Variants in ORC4 observed in about 807,000 individuals in gnomAD.
ORC4 encodes the protein origin recognition complex subunit 4.
In ORC4, 55 loss-of-function variants were observed where a neutral mutation model predicts 63.9. That is an observed-to-expected ratio of 0.86 (90% CI 0.69 to 1.08). ORC4 has a LOEUF of 1.08. Ranked by LOEUF, ORC4 falls within the 50% of genes least tolerant of loss-of-function variation. The pLI, the probability that ORC4 is intolerant of heterozygous loss-of-function variation, is 0.00. For synonymous variants in ORC4, 150 were observed against 168.5 expected (o/e 0.89, Z 0.85); for missense variants, 511 against 504.4 (o/e 1.01, Z -0.13).
At chr2:147,996,642 T>C (rs1691993604) in intron 1 of ORC4, among the ~76,000 whole-genome samples, 1 of 152,130 alleles carries the variant, frequency 6.6e-6, no homozygotes. Flanking sequence ...AGGTGGCAAA[T>C]AAGCATATGA....
chr2:147,972,237 T>G (rs903997247), intron 4 of ORC4, among the ~76,000 whole-genome samples: 1 of 152,112 alleles, frequency 6.6e-6, no homozygotes, highest in Admixed American at 6.6e-5. Context: ...GAGCATGCAC[T>G]GAAAAACTGT....
At chr2:147,943,985 A>G (rs1250559778) in intron 9 of ORC4, among the ~76,000 whole-genome samples, 1 of 152,178 alleles carries the variant, frequency 6.6e-6, no homozygotes, top group Non-Finnish European at 1.5e-5. Flanking sequence ...AAATTATCAC[A>G]TTGGCAGAAA....
chr2:148,000,207 A>T (rs1182813086), intron 1 of ORC4, among the ~76,000 whole-genome samples: 1 of 152,140 alleles, frequency 6.6e-6, no homozygotes, highest in Non-Finnish European at 1.5e-5. Context: ...AAATTGTCAG[A>T]CTGAAAGGAC....
At chr2:147,939,469 T>C (rs1204984532) in intron 10 of ORC4, among the ~76,000 whole-genome samples, 1 of 152,150 alleles carries the variant, frequency 6.6e-6, no homozygotes, top group African/African-American at 2.4e-5. Context: ...CTGCTCTCTC[T>C]AACCCATCCC....
Position 147,931,804 on chromosome 2 carries a change from T to G in ORC4, c.*3706A>C, listed in dbSNP as rs1339281921. The G allele has an allele frequency of 6.6e-6, 1 of 151,902 alleles. No homozygotes were observed. The highest frequency in any genetic ancestry group is 2.4e-5 in the African/African-American group (1 of 41,336). 9.4% of individuals were successfully genotyped at this position (151,902 alleles called of 1,614,324 possible). A position where few individuals can be genotyped will look rare whatever the true frequency, so the allele number is the denominator to read the frequency against. Reference sequence around the variant, plus strand: ...ATAAATTAGGGATTGATGGGGTGTATTTCAAAATAATAAGAGCTATCTATG... The same window carrying G: ...ATAAATTAGGGATTGATGGGGTGTAGTTCAAAATAATAAGAGCTATCTATG... On this transcript the variant is annotated 3_prime_UTR_variant, in exon 14 of 14. Coordinates refer to ENST00000392857, the MANE Select transcript of ORC4 (RefSeq NM_181741.4).
chr2:147,943,595 C>T, intron 9 of ORC4, 73 bp from the exon 10 acceptor site: 1 of 838,704 alleles, frequency 1.2e-6, no homozygotes, highest in Non-Finnish European at 2.0e-6. Flanking sequence ...AATCCTGTGC[C>T]TTACTGGTTG....
chr2:147,974,324 C>T (rs559972833), intron 2 of ORC4, among the ~76,000 whole-genome samples: 1 of 152,144 alleles, frequency 6.6e-6, no homozygotes, highest in South Asian at 2.1e-4. Flanking sequence ...CATCTTATGG[C>T]AGGCCTGTTT....
chr2:147,954,202 G>A (rs931131869), intron 7 of ORC4, among the ~76,000 whole-genome samples: 5 of 151,974 alleles, frequency 3.3e-5, no homozygotes, highest in East Asian at 1.9e-4. Flanking sequence ...TAAGGGAAGA[G>A]AAAAATAAAA....
intron 4 of ORC4, among the ~76,000 whole-genome samples, chr2:147,965,045 A>G (rs1008829944): frequency 5.3e-5 from 8 of 152,188 alleles, no homozygotes; most frequent in Non-Finnish European, 1.0e-4. Context: ...GACCAGACCT[A>G]TAAGAAATGT....
chr2:147,939,445 A>T (rs1688244357), intron 10 of ORC4, among the ~76,000 whole-genome samples, 197 bp from the exon 11 acceptor site: 1 of 152,132 alleles, frequency 6.6e-6, no homozygotes, highest in South Asian at 2.1e-4. Flanking sequence ...TGTAAAGCAT[A>T]AAAAAAGTTC....
intron 1 of ORC4, among the ~76,000 whole-genome samples, chr2:147,995,201 AG>A (rs1326092451): frequency 6.6e-6 from 1 of 151,750 alleles, no homozygotes; most frequent in Non-Finnish European, 1.5e-5. Flanking sequence ...TGCACCAATC[AG>A]CACTCTATAA....
chr2:147,954,629 C>A (rs1271850126), intron 7 of ORC4, among the ~76,000 whole-genome samples: 1 of 151,996 alleles, frequency 6.6e-6, no homozygotes, highest in Admixed American at 6.6e-5. Flanking sequence ...GTACATAAAC[C>A]AGGAAATTTC....
intron 2 of ORC4, among the ~76,000 whole-genome samples, chr2:147,973,954 G>C (rs1380608251): frequency 6.6e-6 from 1 of 152,122 alleles, no homozygotes. Context: ...CATTAAAGTC[G>C]TTCCTTTTTT....
chr2:147,946,396 A>C (rs3768684), intron 9 of ORC4, among the ~76,000 whole-genome samples: 45,761 of 151,896 alleles, frequency 0.3, 8,416 homozygotes, highest in South Asian at 0.47. Context: ...GAATAAGACA[A>C]TCAGTTCAGG....
intron 3 of ORC4, 76 bp from the exon 4 acceptor site, chr2:147,972,905 A>G: frequency 3.2e-6 from 3 of 932,572 alleles, no homozygotes; most frequent in Admixed American, 3.8e-5. Flanking sequence ...TTTAAAAGGC[A>G]TATTTGAATA....
At chr2:148,010,478 G>A (rs1237192) in intron 1 of ORC4, among the ~76,000 whole-genome samples, 4,822 of 151,830 alleles carry the variant, frequency 0.032, 248 homozygotes, top group African/African-American at 0.11. Context: ...AAAAAAAGAA[G>A]ATCCAAATAA....
At chr2:147,967,121 G>A (rs757644472) in intron 4 of ORC4, among the ~76,000 whole-genome samples, 9 of 151,690 alleles carry the variant, frequency 5.9e-5, no homozygotes, top group Non-Finnish European at 8.8e-5. Flanking sequence ...AAAAAAACAC[G>A]TGATAAAATT....
chr2:147,977,168 T>C (rs1690608364), intron 1 of ORC4, among the ~76,000 whole-genome samples: 1 of 152,176 alleles, frequency 6.6e-6, no homozygotes, highest in Non-Finnish European at 1.5e-5. Context: ...GCTAGGTATG[T>C]TGACCAAAAT....
intron 4 of ORC4, among the ~76,000 whole-genome samples, chr2:147,960,932 C>T (rs945819378): frequency 1.3e-5 from 2 of 151,766 alleles, no homozygotes; most frequent in African/African-American, 2.4e-5. Flanking sequence ...TCACTTGAAG[C>T]CATATCAATT....
Sources: gnomAD v4.1 joint callset for allele counts (sites outside exome capture counted in the v4.1 genomes callset) on GRCh38, gnomAD v4.1.1 for gene constraint, MANE v1.5 for transcripts, NCBI Gene and HGNC (gene_info 2026-07-23, HGNC 2026-07-21) for gene names.